VWC2L: variants seen among roughly 807,000 people sequenced by gnomAD.
VWC2L encodes the protein von Willebrand factor C domain-containing protein 2-like.
In VWC2L, 10 loss-of-function variants were observed where a neutral mutation model predicts 21.6. That is an observed-to-expected ratio of 0.46 (90% CI 0.29 to 0.78). The LOEUF (loss-of-function observed/expected upper bound fraction) is 0.78. Ranked by LOEUF, VWC2L falls within the 30% of genes least tolerant of loss-of-function variation. VWC2L has a pLI of 0.10. For missense variants in VWC2L, 209 were observed against 277.1 expected (o/e 0.75, Z 1.74); for synonymous variants, 96 against 94.3 (o/e 1.02, Z -0.10).
intron 3 of VWC2L, among the ~76,000 whole-genome samples, chr2:214,571,053 A>T (rs1231804129): frequency 1.3e-5 from 2 of 152,306 alleles, no homozygotes; most frequent in Middle Eastern, 3.4e-3. Flanking sequence ...ATATAAATAC[A>T]CAATATAAAA....
chr2:214,511,271 G>GA (rs139344122), intron 3 of VWC2L, among the ~76,000 whole-genome samples: 2,222 of 151,118 alleles, frequency 0.015, 52 homozygotes, highest in African/African-American at 0.05. Context: ...TTTCAAAAAA[G>GA]AAAAAAAAAT....
At chr2:214,554,308 C>A (rs1415463665) in intron 3 of VWC2L, among the ~76,000 whole-genome samples, 22 of 152,046 alleles carry the variant, frequency 1.4e-4, no homozygotes. Context: ...CTGAATGAAC[C>A]CCCTTCTCAG....
chr2:214,570,243 T>C (rs899098673), intron 3 of VWC2L, among the ~76,000 whole-genome samples: 16 of 152,200 alleles, frequency 1.1e-4, no homozygotes, highest in African/African-American at 3.6e-4. Flanking sequence ...TGTTATATAT[T>C]TCTCATATTG....
At chr2:214,422,087 A>T (rs897894795) in intron 2 of VWC2L, among the ~76,000 whole-genome samples, 1 of 150,572 alleles carries the variant, frequency 6.6e-6, no homozygotes, top group South Asian at 2.1e-4. Flanking sequence ...ACGGGGTTTC[A>T]CCGTGTTAGC....
At chr2:214,452,828 A>G (rs1329448126) in intron 3 of VWC2L, among the ~76,000 whole-genome samples, 2 of 152,132 alleles carry the variant, frequency 1.3e-5, no homozygotes, top group Non-Finnish European at 2.9e-5. Context: ...GCATTTTCCT[A>G]ATGACTAGTG....
At chr2:214,561,596 A>C (rs561034356) in intron 3 of VWC2L, among the ~76,000 whole-genome samples, 4 of 151,866 alleles carry the variant, frequency 2.6e-5, no homozygotes, top group African/African-American at 9.7e-5. Context: ...CAACATGGCA[A>C]AATCTTGTCT....
intron 3 of VWC2L, among the ~76,000 whole-genome samples, chr2:214,517,486 C>T (rs1273587221): frequency 6.6e-6 from 1 of 152,166 alleles, no homozygotes; most frequent in Admixed American, 6.5e-5. Flanking sequence ...AAATTAACAT[C>T]TCTAGGCATG....
chr2:214,445,367 A>G (rs920669458), intron 3 of VWC2L, among the ~76,000 whole-genome samples: 1 of 151,932 alleles, frequency 6.6e-6, no homozygotes, highest in Non-Finnish European at 1.5e-5. Flanking sequence ...GTGACTGGTT[A>G]AAGAAACCAC....
chr2:214,568,287 T>C (rs1690099291), intron 3 of VWC2L, among the ~76,000 whole-genome samples: 1 of 152,220 alleles, frequency 6.6e-6, no homozygotes, highest in Non-Finnish European at 1.5e-5. Flanking sequence ...TCCTGTTAAT[T>C]TGTTTTTGTG....
At chr2:214,490,219 A>G (rs1370046826) in intron 3 of VWC2L, among the ~76,000 whole-genome samples, 1 of 152,182 alleles carries the variant, frequency 6.6e-6, no homozygotes, top group Non-Finnish European at 1.5e-5. Flanking sequence ...CTCTCCTTAT[A>G]TCATCTCTCC....
Position 214,577,583 on chromosome 2 carries a change from T to C in VWC2L, c.*1763T>C, listed in dbSNP as rs1690252649. 1 of 152,458 alleles carries C rather than the reference T, an allele frequency of 6.6e-6. No individual in the cohort carries two copies. The highest frequency in any genetic ancestry group is 1.9e-4 in the East Asian group (1 of 5,182). The allele number at this position is 152,458 out of a possible 1,614,324, so 9.4% of individuals were successfully genotyped here. A position where few individuals can be genotyped will look rare whatever the true frequency, so the allele number is the denominator to read the frequency against. On this transcript the variant is annotated 3_prime_UTR_variant, in exon 4 of 4. Transcript: ENST00000312504. The stretch of plus-strand genomic sequence containing the variant: ...GGCAAGCTCTAGCAGCACCTGTGGC[T>C]TTTGTGAGCTTCTGATCCCTATGGG...
At chr2:214,462,153 G>A (rs1703153709) in intron 3 of VWC2L, among the ~76,000 whole-genome samples, 1 of 152,170 alleles carries the variant, frequency 6.6e-6, no homozygotes, top group Admixed American at 6.5e-5. Context: ...CAGCTGCTTG[G>A]GTTTTGGCAG....
At position 214,556,542 on chromosome 2, in the gene VWC2L, G is replaced by A. The variant is rs139801414; in HGVS notation, c.521-19130G>A. 5.3e-5 allele frequency among the ~76,000 whole-genome samples: 8 copies of A among 152,154 alleles called. No individual in the cohort carries two copies. The East Asian group carries it at 7.7e-4, about 15-fold the overall frequency. ...CTTCAAGCTAGAGTTACCCCCACCC[G>A]AAAAAATACCCTACAACAATATAAT... On this transcript the variant is annotated intron_variant, in intron 3 of 3. Coordinates refer to ENST00000312504, the MANE Select transcript of VWC2L (RefSeq NM_001080500.4).
In VWC2L at chr2:214,520,063, A is replaced by ACACACACACACACG. The variant is rs1553598691; in HGVS notation, c.521-55596_521-55595insGCACACACACACAC. ...CAGAATATTTGCTCCTGTTATACACACACACACACACACACACACACACAC... is the reference window on the plus strand; with the variant it reads ...CAGAATATTTGCTCCTGTTATACACACACACACACACACGCACACACACACACACACACACACAC... On this transcript the variant is annotated intron_variant, in intron 3 of 3. Transcript: ENST00000312504. Among the ~76,000 whole-genome samples the ACACACACACACACG allele has an allele frequency of 8.9e-3, 1,290 of 145,330 alleles. 48 individuals carry two copies. The highest frequency in any genetic ancestry group is 0.055 in the Admixed American group (772 of 14,108).
chr2:214,553,460 G>A (rs1689826821), intron 3 of VWC2L, among the ~76,000 whole-genome samples: 1 of 152,188 alleles, frequency 6.6e-6, no homozygotes, highest in African/African-American at 2.4e-5. Context: ...GTCATAGGCA[G>A]ATTCAAAGAT....
chr2:214,571,913 A>T (rs1356610419), intron 3 of VWC2L, among the ~76,000 whole-genome samples: 1 of 152,158 alleles, frequency 6.6e-6, no homozygotes, highest in East Asian at 1.9e-4. Context: ...CAGCCTCCCC[A>T]GTATCTGGGA....
chr2:214,554,085 C>T (rs1325177425), intron 3 of VWC2L, among the ~76,000 whole-genome samples: 1 of 152,110 alleles, frequency 6.6e-6, no homozygotes, highest in Non-Finnish European at 1.5e-5. Flanking sequence ...GCACTCACCA[C>T]TACCATCCTG....
chr2:214,427,657 T>C (rs1239677900), intron 2 of VWC2L, among the ~76,000 whole-genome samples: 6 of 152,176 alleles, frequency 3.9e-5, no homozygotes, highest in Admixed American at 3.3e-4. Context: ...AGAGGATTGG[T>C]TCCAAATCCT....
chr2:214,556,228 C>A (rs1362899598), intron 3 of VWC2L, among the ~76,000 whole-genome samples: 1 of 152,120 alleles, frequency 6.6e-6, no homozygotes, highest in Non-Finnish European at 1.5e-5. Flanking sequence ...CCACTGCCCT[C>A]CAGCCTGGGT....
Sources: gnomAD v4.1 joint callset for allele counts (sites outside exome capture counted in the v4.1 genomes callset) on GRCh38, gnomAD v4.1.1 for gene constraint, MANE v1.5 for transcripts, NCBI Gene and HGNC (gene_info 2026-07-23, HGNC 2026-07-21) for gene names.